PLPPR3: variants seen among roughly 807,000 people sequenced by gnomAD.
The protein encoded by PLPPR3 is phospholipid phosphatase related 3.
A neutral mutation model predicts 27.3 loss-of-function variants in PLPPR3; 14 were observed. The ratio of observed to expected loss-of-function variants is 0.51; its 90% CI spans 0.34 to 0.80. The LOEUF (loss-of-function observed/expected upper bound fraction) is 0.80, where lower values mean the gene tolerates loss of function less well. Ranked by LOEUF, PLPPR3 falls within the 30% of genes least tolerant of loss-of-function variation. PLPPR3 has a pLI of 0.01. For synonymous variants in PLPPR3, 671 were observed against 508.0 expected (o/e 1.32, Z -4.32); for missense variants, 1,287 against 1,056.9 (o/e 1.22, Z -3.02).
intron 2 of PLPPR3, among the ~76,000 whole-genome samples, chr19:818,785 G>C (rs2035102192): frequency 6.6e-6 from 1 of 151,984 alleles, no homozygotes; most frequent in Admixed American, 6.6e-5. Flanking sequence ...CGCCCACCTA[G>C]GCCTTCCAAA....
chr19:814,247 C>A lies in PLPPR3; in HGVS notation c.831+187G>T, dbSNP rs865992949. 2.0e-5 allele frequency among the ~76,000 whole-genome samples: 3 copies of A among 147,538 alleles called. No individual in the cohort carries two copies. In the East Asian group the frequency reaches 6.0e-4, roughly 29 times the overall value. The stretch of plus-strand genomic sequence containing the variant: ...CCTCAGACCCTCTGGGCCAGCCCCC[C>A]GCCAGAACCCCTGGGAACCATGCCT... On this transcript the variant is annotated intron_variant, in intron 7 of 7. Transcript: ENST00000520876.
intron 7 of PLPPR3, 31 bp downstream of exon 7, chr19:814,403 A>T (rs767328762): frequency 2.4e-5 from 38 of 1,566,276 alleles, no homozygotes; most frequent in Non-Finnish European, 3.0e-5. Flanking sequence ...CTGGGAACCC[A>T]TGCCGACCCC....
Position 812,698 on chromosome 19 carries a change from G to C in PLPPR3, c.2029C>G (p.Leu677Val). The C allele has an allele frequency of 9.5e-7, 1 of 1,050,526 alleles. No homozygotes were observed. Among genetic ancestry groups the C allele is most frequent in the Non-Finnish European group, 1.1e-6 (1 of 871,470 alleles). 65.1% of individuals were successfully genotyped at this position (1,050,526 alleles called of 1,614,324 possible). Residue 677 changes from leucine (L) to valine (V), a missense_variant, in exon 8 of 8, where the codon CTG becomes GTG. Leu to Val is a conservative substitution (Grantham distance 32). Coordinates refer to ENST00000520876, the MANE Select transcript of PLPPR3 (RefSeq NM_001270366.2). Reference protein sequence around the residue: ...LPPLGAADGALGPGSRESTLR... With the variant: ...LPPLGAADGAVGPGSRESTLR... The stretch of plus-strand genomic sequence containing the variant: ...GTGGACTCCCGGCTGCCCGGGCCCA[G>C]CGCCCCATCGGCCGCGCCCAGCGGG...
rs1007771733 is a variant in PLPPR3, at chr19:821,369, C to T, written c.75+116G>A. 4 of 844,132 alleles carry T rather than the reference C, an allele frequency of 4.7e-6. 1 individual carries two copies. In the South Asian group the frequency reaches 6.1e-5, roughly 13 times the overall value. The allele number at this position is 844,132 out of a possible 1,614,324, so 52.3% of individuals were successfully genotyped here. A position where few individuals can be genotyped will look rare whatever the true frequency, so the allele number is the denominator to read the frequency against. On this transcript the variant is annotated intron_variant, in intron 2 of 7. Coordinates refer to ENST00000520876, the MANE Select transcript of PLPPR3 (RefSeq NM_001270366.2). ...TCCGCCGGACACCCCGGTCCTGCCC[C>T]GCCCCGAGGCCACTGCCGGGGCAGC...
At position 813,611 on chromosome 19, in the gene PLPPR3, G is replaced by A. The variant is rs745503769; in HGVS notation, c.1116C>T (p.Thr372=). 44 of 1,545,838 alleles carry A rather than the reference G, an allele frequency of 2.8e-5. No individual in the cohort carries two copies. The highest frequency in any genetic ancestry group is 1.7e-4 in the Middle Eastern group (1 of 5,822). Residue 372 remains threonine, a synonymous_variant, in exon 8 of 8, where the codon ACC becomes ACT. Coordinates refer to ENST00000520876, the MANE Select transcript of PLPPR3 (RefSeq NM_001270366.2). This position sits in a 1 kb window ranked among gnomAD's most constrained non-coding sequence, Gnocchi z 4.1. ...TGGCCCTGGGCAGCGTGTGGCTGAA[G>A]GTCACCATGTTCTCCTTGGCCATGG... ...RSPMAKENMV[T]FSHTLPRASA...
Position 821,615 on chromosome 19 carries a change from G to A in PLPPR3, c.-26-30C>T, listed in dbSNP as rs998663586. Reference sequence around the variant, plus strand: ...AGGGGAGAAAGCGGCGCTGGAGGGGGGCGCGCAGGCGGAGCCCGGGGGAGA... The same window carrying A: ...AGGGGAGAAAGCGGCGCTGGAGGGGAGCGCGCAGGCGGAGCCCGGGGGAGA... On this transcript the variant is annotated intron_variant, in intron 1 of 7. Transcript: ENST00000520876. 9 of 1,358,938 alleles carry A rather than the reference G, an allele frequency of 6.6e-6. No homozygotes were observed. The South Asian group carries it at 8.5e-5, about 13-fold the overall frequency. The allele number at this position is 1,358,938 out of a possible 1,614,324, so 84.2% of individuals were successfully genotyped here. A position where few individuals can be genotyped will look rare whatever the true frequency, so the allele number is the denominator to read the frequency against.
intron 2 of PLPPR3, among the ~76,000 whole-genome samples, chr19:817,290 C>CT (rs199946738): frequency 2.0e-5 from 3 of 150,644 alleles, no homozygotes; most frequent in East Asian, 2.0e-4. Flanking sequence ...GGCCTCAAGC[C>CT]TTTTTTTTTC....
At position 814,674 on chromosome 19, in the gene PLPPR3, G is replaced by T. The variant is rs1287387867; in HGVS notation, c.657+18C>A. The T allele has an allele frequency of 6.2e-7, 1 of 1,606,794 alleles. No individual in the cohort carries two copies. Among genetic ancestry groups the T allele is most frequent in the Non-Finnish European group, 8.5e-7 (1 of 1,179,590 alleles). ...TCAGCAAGAGGGCCTGGGAAGGGCAGTGAGGGGCCGGACTCACCGACACAT... is the reference window on the plus strand; with the variant it reads ...TCAGCAAGAGGGCCTGGGAAGGGCATTGAGGGGCCGGACTCACCGACACAT... On this transcript the variant is annotated intron_variant, in intron 6 of 7. Coordinates refer to ENST00000520876, the MANE Select transcript of PLPPR3 (RefSeq NM_001270366.2).
chr19:823,450 A>AAAAAAAAAAAAAAAAAAAAAAAAAAAC (rs111454578), upstream of PLPPR3, among the ~76,000 whole-genome samples: 12 of 143,838 alleles, frequency 8.3e-5, no homozygotes, highest in East Asian at 2.0e-4. Context: ...TCAAAAAAAA[A>AAAAAAAAAAAAAAAAAAAAAAAAAAAC]AAAAAAAACA....
chr19:820,475 T>G (rs894564986), intron 2 of PLPPR3, among the ~76,000 whole-genome samples: 7 of 150,768 alleles, frequency 4.6e-5, no homozygotes, highest in African/African-American at 1.7e-4. Flanking sequence ...ATGACAAACG[T>G]GAGCCACCGC....
chr19:821,481 C>A lies in PLPPR3; in HGVS notation c.75+4G>T. ...CCCCGGGCCCCAGCGCGACCCCCAC[C>A]CACCTCCACGAAGTAGAAGCAGGGC... is the stretch of plus-strand genomic sequence containing the variant. On this transcript the variant is annotated splice_donor_region_variant and intron_variant, in intron 2 of 7. Transcript: ENST00000520876. 6.6e-7 allele frequency: 1 copy of A among 1,512,922 alleles called. No homozygotes were observed. The highest frequency in any genetic ancestry group is 8.8e-7 in the Non-Finnish European group (1 of 1,130,122). 93.7% of individuals were successfully genotyped at this position (1,512,922 alleles called of 1,614,324 possible).
intron 2 of PLPPR3, among the ~76,000 whole-genome samples, chr19:819,432 CACT>C (rs2035113128): frequency 6.6e-6 from 1 of 151,790 alleles, no homozygotes; most frequent in African/African-American, 2.4e-5. Context: ...AGGCGCCCAC[CACT>C]ACGACCACCA....
intron 2 of PLPPR3, among the ~76,000 whole-genome samples, chr19:818,076 G>A (rs369800339): frequency 1.3e-5 from 2 of 152,146 alleles, no homozygotes; most frequent in South Asian, 2.1e-4. Context: ...GGGCCTGGGC[G>A]CGGCCTTAAA....
At position 817,037 on chromosome 19, in the gene PLPPR3, AC is replaced by A. The variant is rs1176036360; in HGVS notation, c.76-1187del. On this transcript the variant is annotated intron_variant, in intron 2 of 7. Transcript: ENST00000520876. Reference sequence around the variant, plus strand: ...CATCTACCAACCTACCCATCTATCCACCTACTCATCCATCTACCCATCTGTC... The same window carrying A: ...CATCTACCAACCTACCCATCTATCCACTACTCATCCATCTACCCATCTGTC... Among the ~76,000 whole-genome samples the A allele has an allele frequency of 8.7e-5, 11 of 126,592 alleles. No homozygotes were observed. The East Asian group carries it at 2.5e-3, about 29-fold the overall frequency. The allele number at this position is 126,592 out of a possible 152,430, so 83.0% of individuals were successfully genotyped here.
In PLPPR3 at chr19:813,816, C is replaced by G; in HGVS notation, c.911G>C (p.Arg304Pro). ...AAPAPAKDALRALTQRGHDSV... is the reference protein window; with the variant it reads ...AAPAPAKDALPALTQRGHDSV... ...GTCGTGGCCCCGCTGCGTCAGGGCC[C>G]GCAGCGCGTCCTTGGCGGGGGCCGG... The change falls in exon 8 of 8, where the codon CGG becomes CCG. Residue 304 changes from arginine (R) to proline (P), a missense_variant. By Grantham distance (103) the Arg-to-Pro change is moderately radical (BLOSUM62 -2). Coordinates refer to ENST00000520876, the MANE Select transcript of PLPPR3 (RefSeq NM_001270366.2). The surrounding 1 kb of genome is among the most constrained non-coding windows in gnomAD (Gnocchi z 4.1). 2.7e-6 allele frequency: 4 copies of G among 1,506,968 alleles called. No homozygotes were observed. Among genetic ancestry groups the G allele is most frequent in the South Asian group, 1.2e-5 (1 of 80,284 alleles). The allele number at this position is 1,506,968 out of a possible 1,614,324, so 93.3% of individuals were successfully genotyped here.
At chr19:820,399 G>A (rs907743965) in intron 2 of PLPPR3, among the ~76,000 whole-genome samples, 5 of 152,062 alleles carry the variant, frequency 3.3e-5, no homozygotes, top group African/African-American at 9.7e-5. Flanking sequence ...TGCCCAGGTT[G>A]GTCTCAAACT....
intron 1 of PLPPR3, 128 bp from the exon 2 acceptor site, chr19:821,713 C>A (rs978764621): frequency 6.7e-6 from 3 of 450,654 alleles, no homozygotes; most frequent in Non-Finnish European, 1.1e-5. Flanking sequence ...TCCGCGTGGC[C>A]TCCCCGCGCC....
intron 2 of PLPPR3, among the ~76,000 whole-genome samples, chr19:819,478 T>TG (rs1409976967): frequency 1.1e-4 from 16 of 151,548 alleles, no homozygotes; most frequent in Admixed American, 2.0e-4. Context: ...TTAGTAGAGA[T>TG]GGGGTTTCAC....
At position 814,872 on chromosome 19, in the gene PLPPR3, G is replaced by A. The variant is rs753865763; in HGVS notation, c.599+14C>T. 18 of 1,604,762 alleles carry A rather than the reference G, an allele frequency of 1.1e-5. No homozygotes were observed. The African/African-American group carries it at 2.0e-4, about 18-fold the overall frequency. On this transcript the variant is annotated intron_variant, in intron 5 of 7. Coordinates refer to ENST00000520876, the MANE Select transcript of PLPPR3 (RefSeq NM_001270366.2). ...AGAAGGCTCCCAGTCAGGGGAGTTG[G>A]GGGTCCGGCTCACCGTGCAGACAGG...
Sources: gnomAD v4.1 joint callset for allele counts (sites outside exome capture counted in the v4.1 genomes callset) on GRCh38, gnomAD v4.1.1 for gene constraint, Gnocchi (gnomAD v3.1) non-coding constraint, MANE v1.5 for transcripts, NCBI Gene and HGNC (gene_info 2026-07-23, HGNC 2026-07-21) for gene names.